Variants in UIMC1 observed in about 807,000 individuals in gnomAD.
UIMC1 encodes the protein ubiquitin interaction motif containing 1, also known as BRCA1-A complex subunit RAP80.
In UIMC1, 42 loss-of-function variants were observed where a neutral mutation model predicts 84.9. The ratio of observed to expected loss-of-function variants is 0.49; its 90% CI spans 0.39 to 0.64. The LOEUF is 0.64. Ranked by LOEUF, UIMC1 falls within the 30% of genes least tolerant of loss-of-function variation. UIMC1 has a pLI of 0.00. For missense variants in UIMC1, 825 were observed against 847.6 expected (o/e 0.97, Z 0.33); for synonymous variants, 281 against 293.0 (o/e 0.96, Z 0.42).
rs188208187 is a variant in UIMC1, at chr5:176,931,520, A to G, written c.1597+11815T>C. The stretch of plus-strand genomic sequence containing the variant: ...GATAACTGAAGTGAAGGCAAAGTCA[A>G]TATTAAGAGAGGAACAAGATGGGAA... On this transcript the variant is annotated intron_variant, in intron 10 of 14. Transcript: ENST00000511320. 1.3e-3 allele frequency among the ~76,000 whole-genome samples: 201 copies of G among 152,366 alleles called. 2 individuals are homozygous for G. The highest frequency in any genetic ancestry group is 9.7e-4 in the Non-Finnish European group (66 of 68,036).
At chr5:176,958,363 T>G (rs1431290082) in intron 6 of UIMC1, among the ~76,000 whole-genome samples, 1 of 152,268 alleles carries the variant, frequency 6.6e-6, no homozygotes, top group Non-Finnish European at 1.5e-5. Flanking sequence ...AATCACTTAC[T>G]AAATTTGTGA....
Position 176,943,322 on chromosome 5 carries a change from G to A in UIMC1, c.1597+13C>T. 3.1e-6 allele frequency: 5 copies of A among 1,612,110 alleles called. No individual in the cohort carries two copies. The highest frequency in any genetic ancestry group is 4.2e-6 in the Non-Finnish European group (5 of 1,179,178). ...AAAAAAGTAAGAGTTTGGCTGTCCT[G>A]CTGGGTCTTTACCTGTATCTTCCTC... On this transcript the variant is annotated intron_variant, in intron 10 of 14. Transcript: ENST00000511320.
At chr5:176,979,527 T>C (rs1770685036) in intron 2 of UIMC1, among the ~76,000 whole-genome samples, 1 of 150,896 alleles carries the variant, frequency 6.6e-6, no homozygotes, top group Admixed American at 6.6e-5. Context: ...CGCTTGAACC[T>C]GGGAGGCGGA....
chr5:176,992,005 C>G (rs1772932923), intron 1 of UIMC1, among the ~76,000 whole-genome samples: 1 of 151,892 alleles, frequency 6.6e-6, no homozygotes, highest in South Asian at 2.1e-4. Flanking sequence ...ACCTATAGTC[C>G]CAGCTACTTG....
At chr5:176,940,777 TAAC>T (rs1764321807) in intron 10 of UIMC1, among the ~76,000 whole-genome samples, 1 of 152,328 alleles carries the variant, frequency 6.6e-6, no homozygotes, top group Admixed American at 6.5e-5. Context: ...CTGGGAATGG[TAAC>T]AACAGCTAAT....
At chr5:176,937,680 T>C (rs1366816749) in intron 10 of UIMC1, among the ~76,000 whole-genome samples, 1 of 152,214 alleles carries the variant, frequency 6.6e-6, no homozygotes, top group Admixed American at 6.5e-5. Context: ...GTTATTGTGC[T>C]GCACGGTAAG....
chr5:177,020,160 T>G (rs1219753405), intron 1 of UIMC1, among the ~76,000 whole-genome samples: 2 of 152,226 alleles, frequency 1.3e-5, no homozygotes, highest in Admixed American at 6.5e-5. Flanking sequence ...ACTTTCCTCC[T>G]TGTTCACTGG....
At chr5:177,020,584 C>T (rs1027037832) in intron 1 of UIMC1, among the ~76,000 whole-genome samples, 2 of 152,164 alleles carry the variant, frequency 1.3e-5, no homozygotes, top group Non-Finnish European at 2.9e-5. Context: ...GCGCCCGCCA[C>T]CACGCCCGGC....
At chr5:176,960,463 G>A (rs1441169010) in intron 6 of UIMC1, among the ~76,000 whole-genome samples, 2 of 152,038 alleles carry the variant, frequency 1.3e-5, no homozygotes, top group African/African-American at 4.8e-5. Context: ...TGTAATCAAG[G>A]TGAACATGAA....
upstream of UIMC1, among the ~76,000 whole-genome samples, chr5:177,008,406 A>G (rs533126965): frequency 1.5e-3 from 236 of 152,270 alleles, 2 homozygotes; most frequent in Admixed American, 0.011. Context: ...CTATGAGTCT[A>G]TATCTCTTCT....
intron 9 of UIMC1, among the ~76,000 whole-genome samples, chr5:176,947,325 C>G (rs1765249278): frequency 6.6e-6 from 1 of 152,228 alleles, no homozygotes; most frequent in South Asian, 2.1e-4. Context: ...TCAGGGATTT[C>G]TTTGCAGAGT....
At chr5:176,943,672 T>C (rs980574525) in intron 9 of UIMC1, among the ~76,000 whole-genome samples, 184 bp from the exon 10 acceptor site, 4 of 152,232 alleles carry the variant, frequency 2.6e-5, no homozygotes, top group African/African-American at 9.6e-5. Context: ...TGCCTTATAC[T>C]GCCAACTATG....
At chr5:176,924,857 G>C (rs1762181992) in intron 10 of UIMC1, among the ~76,000 whole-genome samples, 2 of 151,874 alleles carry the variant, frequency 1.3e-5, no homozygotes, top group Admixed American at 1.3e-4. Flanking sequence ...TGGCCAACAT[G>C]GTGAAACCCT....
At chr5:176,968,452 T>C in intron 6 of UIMC1, 103 bp downstream of exon 6, 1 of 1,452,888 alleles carries the variant, frequency 6.9e-7, no homozygotes, top group East Asian at 2.3e-5. Context: ...CATGTATTAC[T>C]TTAATAATCA....
rs893649086 is a variant in UIMC1 at position 177,006,655 on chromosome 5, G to A, written c.-14C>T. The A allele has an allele frequency of 5.3e-5, 8 of 152,260 alleles. No individual in the cohort carries two copies. The highest frequency in any genetic ancestry group is 1.9e-4 in the African/African-American group (8 of 41,474). The allele number at this position is 152,260 out of a possible 1,614,324, so 9.4% of individuals were successfully genotyped here. A position where few individuals can be genotyped will look rare whatever the true frequency, so the allele number is the denominator to read the frequency against. ...CGCAGGCGGCGGGTACTCACTCGCT[G>A]GCGCAGGCCGCTCTGTAGACCTTCT... On this transcript the variant is annotated 5_prime_UTR_variant, in exon 1 of 15. Transcript: ENST00000511320.
At chr5:176,994,875 C>T (rs761100780) in intron 1 of UIMC1, among the ~76,000 whole-genome samples, 5 of 151,062 alleles carry the variant, frequency 3.3e-5, no homozygotes, top group Non-Finnish European at 5.9e-5. Flanking sequence ...CAGGAACTTA[C>T]AAAACTTGTG....
chr5:176,969,451 A>T (rs1768863339), intron 5 of UIMC1, 150 bp downstream of exon 5: 2 of 1,271,108 alleles, frequency 1.6e-6, no homozygotes, highest in Admixed American at 2.6e-5. Context: ...AGTATGCCGG[A>T]TATTCTTATG....
intron 11 of UIMC1, among the ~76,000 whole-genome samples, chr5:176,910,535 C>CTT (rs1759995262): frequency 6.6e-6 from 1 of 152,186 alleles, no homozygotes. Context: ...ATTCTGACCC[C>CTT]TTCCTCAGAA....
intron 10 of UIMC1, among the ~76,000 whole-genome samples, chr5:176,912,501 T>C (rs1760363989): frequency 6.8e-6 from 1 of 146,890 alleles, no homozygotes; most frequent in Non-Finnish European, 1.5e-5. Context: ...AGACATAGTC[T>C]CACTCTTCTT....
Sources: allele counts gnomAD v4.1 joint callset (sites outside exome capture counted in the v4.1 genomes callset), GRCh38; gene constraint gnomAD v4.1.1; transcripts MANE v1.5; gene names NCBI Gene and HGNC (gene_info 2026-07-23, HGNC 2026-07-21).